TMEM87A: variants seen among roughly 807,000 people sequenced by gnomAD.
TMEM87A encodes Golgi-pH regulating cation channel.
In TMEM87A, 50 loss-of-function variants were observed where a neutral mutation model predicts 90.0. The observed-to-expected ratio is 0.56, with a 90% CI of 0.44 to 0.70. TMEM87A has a LOEUF of 0.70. TMEM87A is among the 30% of genes least tolerant of loss of function. TMEM87A has a pLI of 0.00. For missense variants in TMEM87A, 577 were observed against 660.5 expected, an observed-to-expected ratio of 0.87 and a Z score of 1.39; for synonymous variants, 226 against 226.7, an observed-to-expected ratio of 1.00 and a Z score of 0.03.
chr15:42,226,750 C>T, intron 15 of TMEM87A, 56 bp downstream of exon 15: 1 of 1,483,534 alleles, frequency 6.7e-7, no homozygotes, highest in Non-Finnish European at 9.4e-7. Flanking sequence ...TGCACCACCC[C>T]TAATTGATGA....
At chr15:42,254,759 G>C (rs1179246109) in intron 6 of TMEM87A, among the ~76,000 whole-genome samples, 1 of 152,186 alleles carries the variant, frequency 6.6e-6, no homozygotes, top group South Asian at 2.1e-4. Flanking sequence ...AAACTATTCT[G>C]TATGATACTA....
At chr15:42,237,956 C>T (rs1000121375) in intron 8 of TMEM87A, among the ~76,000 whole-genome samples, 3 of 151,958 alleles carry the variant, frequency 2.0e-5, no homozygotes, top group Non-Finnish European at 4.4e-5. Flanking sequence ...GAGAAGACTA[C>T]ATATGAACTT....
At chr15:42,216,986 G>GTC (rs1412503409) in intron 19 of TMEM87A, among the ~76,000 whole-genome samples, 3 of 148,590 alleles carry the variant, frequency 2.0e-5, no homozygotes, top group Non-Finnish European at 4.5e-5. Context: ...TTGAGATGGG[G>GTC]TCTCACTCTT....
At chr15:42,261,319 C>G (rs961310852) in intron 4 of TMEM87A, 70 bp from the exon 5 acceptor site, 4 of 1,367,788 alleles carry the variant, frequency 2.9e-6, no homozygotes, top group Non-Finnish European at 4.0e-6. Context: ...GCTCAAAATA[C>G]AAAGAAATGG....
At chr15:42,271,973 G>A in intron 2 of TMEM87A, 90 bp downstream of exon 2, 2 of 1,086,244 alleles carry the variant, frequency 1.8e-6, no homozygotes, top group East Asian at 2.7e-5. Context: ...CAGACTATTA[G>A]ATTTCAGAAC....
chr15:42,264,010 T>G, intron 4 of TMEM87A, 80 bp downstream of exon 4: 1 of 1,025,680 alleles, frequency 9.7e-7, no homozygotes, highest in Non-Finnish European at 1.5e-6. Flanking sequence ...ACTTGAGAAG[T>G]CGGAAGTGGA....
intron 19 of TMEM87A, among the ~76,000 whole-genome samples, chr15:42,212,171 T>G (rs757547895): frequency 6.6e-6 from 1 of 152,228 alleles, no homozygotes. Context: ...TGATTTGTTA[T>G]GTGTTTTTTA....
chr15:42,273,433 C>T lies in TMEM87A; in HGVS notation c.-35G>A, dbSNP rs1293125054. On this transcript the variant is annotated 5_prime_UTR_variant, in exon 1 of 20. Transcript: ENST00000389834. ...CGTGGAGTGCCTACCGAAAGCATTT[C>T]ACCCTCTTCCGGTTCGTCCCGCCTT... 1 of 1,612,064 alleles carries T rather than the reference C, an allele frequency of 6.2e-7. No homozygotes were observed. The highest frequency in any genetic ancestry group is 2.2e-5 in the East Asian group (1 of 44,862).
At chr15:42,214,512 G>A (rs912930541) in intron 19 of TMEM87A, among the ~76,000 whole-genome samples, 36 of 152,216 alleles carry the variant, frequency 2.4e-4, no homozygotes, top group African/African-American at 8.2e-4. Flanking sequence ...AGAAAGCCCA[G>A]AAATAAAACT....
At chr15:42,238,463 A>C (rs1472785300) in intron 8 of TMEM87A, among the ~76,000 whole-genome samples, 3 of 152,088 alleles carry the variant, frequency 2.0e-5, no homozygotes, top group African/African-American at 7.2e-5. Context: ...CCAGCTACTC[A>C]GGAGGCTGAG....
chr15:42,247,813 T>G (rs546149443), intron 6 of TMEM87A, among the ~76,000 whole-genome samples: 2 of 152,322 alleles, frequency 1.3e-5, no homozygotes, highest in South Asian at 4.1e-4. Context: ...TTTTTTCCAA[T>G]TCTGTGAAGA....
At chr15:42,216,950 C>T (rs1302723932) in intron 19 of TMEM87A, among the ~76,000 whole-genome samples, 1 of 149,744 alleles carries the variant, frequency 6.7e-6, no homozygotes, top group East Asian at 1.9e-4. Flanking sequence ...GGCCACAATT[C>T]TTTTTCTTTT....
At chr15:42,213,548 A>G (rs1356246812) in intron 19 of TMEM87A, among the ~76,000 whole-genome samples, 1 of 152,248 alleles carries the variant, frequency 6.6e-6, no homozygotes, top group African/African-American at 2.4e-5. Flanking sequence ...AGTATGAACA[A>G]AAAAAGAGCT....
intron 14 of TMEM87A, 118 bp from the exon 15 acceptor site, chr15:42,227,027 G>T: frequency 1.1e-6 from 1 of 931,006 alleles, no homozygotes; most frequent in South Asian, 1.5e-5. Context: ...TTTACTAAGA[G>T]CCTGCTACGT....
intron 7 of TMEM87A, among the ~76,000 whole-genome samples, chr15:42,240,728 A>G (rs2050852983): frequency 6.6e-6 from 1 of 152,240 alleles, no homozygotes; most frequent in Non-Finnish European, 1.5e-5. Flanking sequence ...GAGACAGACT[A>G]ATAACTGTTC....
Position 42,224,941 on chromosome 15 carries a change from T to C in TMEM87A, c.1403+1865A>G, listed in dbSNP as rs142521922. 1.7e-3 allele frequency among the ~76,000 whole-genome samples: 257 copies of C among 152,204 alleles called. 1 individual carries two copies. Among genetic ancestry groups the C allele is most frequent in the African/African-American group, 6.0e-3 (251 of 41,514 alleles). ...GGTAACGCAAAAATTTTTTAATGAC[T>C]GAGGAAGGGAAAATATTTAAATACA... On this transcript the variant is annotated intron_variant, in intron 15 of 19. Coordinates refer to ENST00000389834, the MANE Select transcript of TMEM87A (RefSeq NM_015497.5).
chr15:42,219,995 T>C (rs995245080), intron 16 of TMEM87A, 67 bp downstream of exon 16: 1 of 1,390,588 alleles, frequency 7.2e-7, no homozygotes, highest in African/African-American at 1.5e-5. Flanking sequence ...AGTTATAAAA[T>C]AATAAACAAT....
Position 42,260,876 on chromosome 15 carries a change from T to C in TMEM87A, c.504+82A>G, listed in dbSNP as rs2140978650. ...ACTTTCTTTTCAAATATTAGCATAG[T>C]ATGGGAGAACAATTCAGAAATACAC... On this transcript the variant is annotated intron_variant, in intron 6 of 19. Transcript: ENST00000389834. 3 of 1,438,056 alleles carry C rather than the reference T, an allele frequency of 2.1e-6. No homozygotes were observed. In the East Asian group the frequency reaches 6.9e-5, roughly 33 times the overall value. The allele number at this position is 1,438,056 out of a possible 1,614,324, so 89.1% of individuals were successfully genotyped here. A position where few individuals can be genotyped will look rare whatever the true frequency, so the allele number is the denominator to read the frequency against.
chr15:42,253,082 T>C (rs1272722214), intron 6 of TMEM87A, among the ~76,000 whole-genome samples: 4 of 152,182 alleles, frequency 2.6e-5, no homozygotes, highest in Admixed American at 6.5e-5. Context: ...TTGACAAAGA[T>C]TTCTTAAACA....
Sources: gnomAD v4.1 joint callset for allele counts (sites outside exome capture counted in the v4.1 genomes callset) on GRCh38, gnomAD v4.1.1 for gene constraint, MANE v1.5 for transcripts, NCBI Gene and HGNC (gene_info 2026-07-23, HGNC 2026-07-21) for gene names.